The following MACROD2 variants were observed in gnomAD, a reference collection of about 807,000 sequenced individuals.
MACROD2 encodes ADP-ribose glycohydrolase MACROD2.
In MACROD2, 36 loss-of-function variants were observed where a neutral mutation model predicts 70.4. That is an observed-to-expected ratio of 0.51 (90% CI 0.39 to 0.68). The LOEUF is 0.68. MACROD2 is among the 30% of genes least tolerant of loss of function. The pLI, the probability that MACROD2 is intolerant of heterozygous loss-of-function variation, is 0.00. For missense variants in MACROD2, 496 were observed against 538.4 expected, an observed-to-expected ratio of 0.92 and a Z score of 0.78; for synonymous variants, 172 against 178.8, an observed-to-expected ratio of 0.96 and a Z score of 0.30.
chr20:15,955,232 A>G (rs2065960027), intron 12 of MACROD2, among the ~76,000 whole-genome samples: 2 of 152,148 alleles, frequency 1.3e-5, no homozygotes, highest in African/African-American at 4.8e-5. Flanking sequence ...AACCCAATTG[A>G]CTTAAATGAT....
intron 5 of MACROD2, among the ~76,000 whole-genome samples, chr20:14,886,918 G>A (rs2073683956): frequency 1.3e-5 from 2 of 152,078 alleles, no homozygotes; most frequent in South Asian, 2.1e-4. Flanking sequence ...TTCTCATTCC[G>A]ACATTGGCGT....
rs113801416 is a variant in MACROD2, at chr20:15,074,676, G to A, written c.419-155264G>A. On this transcript the variant is annotated intron_variant, in intron 5 of 17. Transcript: ENST00000684519. ...GAACTGAGTTAGAGGACACATAGCT[G>A]GTATCCACTGCAGAATTGATTGCTT... Among the ~76,000 whole-genome samples the A allele has an allele frequency of 6.2e-3, 941 of 152,244 alleles. 8 individuals carry two copies. Among genetic ancestry groups the A allele is most frequent in the African/African-American group, 0.022 (897 of 41,544 alleles).
At chr20:15,562,968 T>A (rs137934072) in intron 8 of MACROD2, among the ~76,000 whole-genome samples, 2 of 152,304 alleles carry the variant, frequency 1.3e-5, no homozygotes, top group East Asian at 3.9e-4. Context: ...ACGTACAGTT[T>A]GAGCAGAATA....
chr20:15,326,215 C>T (rs1310885303), intron 6 of MACROD2, among the ~76,000 whole-genome samples: 1 of 151,990 alleles, frequency 6.6e-6, no homozygotes, highest in Non-Finnish European at 1.5e-5. Context: ...AAATACTCAT[C>T]TTGATAATAT....
chr20:14,296,533 GA>G (rs1336776552), intron 3 of MACROD2, among the ~76,000 whole-genome samples: 3 of 151,988 alleles, frequency 2.0e-5, no homozygotes, highest in African/African-American at 4.8e-5. Flanking sequence ...TTGCGTGAAA[GA>G]AGCCACACAT....
Position 14,333,776 on chromosome 20 carries a change from A to G in MACROD2, c.272-159703A>G, listed in dbSNP as rs73612352. 1.7e-3 allele frequency among the ~76,000 whole-genome samples: 256 copies of G among 152,286 alleles called. 1 individual carries two copies. The East Asian group carries it at 0.018, about 11-fold the overall frequency. ...GAGACCACCTGAAATCATAAAATAC[A>G]TTGTTTTTCATGTCCAAGCAGGGTA... On this transcript the variant is annotated intron_variant, in intron 3 of 17. Transcript: ENST00000684519.
chr20:16,013,918 G>A (rs1161968336), intron 15 of MACROD2, among the ~76,000 whole-genome samples: 1 of 152,194 alleles, frequency 6.6e-6, no homozygotes, highest in Admixed American at 6.5e-5. Context: ...TGTAAATGGA[G>A]CACTGTATTG....
intron 5 of MACROD2, among the ~76,000 whole-genome samples, chr20:15,118,570 T>G (rs2076008670): frequency 1.3e-5 from 2 of 152,204 alleles, no homozygotes; most frequent in Admixed American, 6.5e-5. Flanking sequence ...CAGCATTTCC[T>G]AAACCAATGA....
intron 5 of MACROD2, among the ~76,000 whole-genome samples, chr20:14,970,868 C>T (rs146296550): frequency 2.6e-4 from 39 of 152,256 alleles, no homozygotes; most frequent in Non-Finnish European, 5.1e-4. Flanking sequence ...CCTCCCACCT[C>T]AGCCTCCCAA....
Position 14,624,859 on chromosome 20 carries a change from C to T in MACROD2, c.302-59984C>T, listed in dbSNP as rs143269309. Among the ~76,000 whole-genome samples, 17 of 152,288 alleles carry T rather than the reference C, an allele frequency of 1.1e-4. No individual in the cohort carries two copies. In the East Asian group the frequency reaches 3.1e-3, roughly 28 times the overall value. On this transcript the variant is annotated intron_variant, in intron 4 of 17. Coordinates refer to ENST00000684519, the MANE Select transcript of MACROD2 (RefSeq NM_001351661.2). Reference sequence around the variant, plus strand: ...TAGATGAATGCCAGCCAGAAATGTACTGCTGCAGCACTACTACCTCATTCA... The same window carrying T: ...TAGATGAATGCCAGCCAGAAATGTATTGCTGCAGCACTACTACCTCATTCA...
At chr20:15,254,163 A>G (rs2077178758) in intron 6 of MACROD2, among the ~76,000 whole-genome samples, 1 of 152,182 alleles carries the variant, frequency 6.6e-6, no homozygotes, top group Non-Finnish European at 1.5e-5. Context: ...TTTTTATTCC[A>G]TTTATGCCAT....
intron 4 of MACROD2, among the ~76,000 whole-genome samples, chr20:14,551,252 C>A (rs1375800015): frequency 6.6e-6 from 1 of 152,122 alleles, no homozygotes; most frequent in African/African-American, 2.4e-5. Flanking sequence ...TAATGCAGTG[C>A]ATAGTTGTAG....
chr20:14,411,776 C>G (rs958478735), intron 3 of MACROD2, among the ~76,000 whole-genome samples: 6 of 152,080 alleles, frequency 3.9e-5, no homozygotes, highest in African/African-American at 1.4e-4. Context: ...TCTGCACAGG[C>G]TGTAGACTGT....
chr20:14,919,314 C>A (rs2074132128), intron 5 of MACROD2, among the ~76,000 whole-genome samples: 1 of 152,136 alleles, frequency 6.6e-6, no homozygotes, highest in African/African-American at 2.4e-5. Flanking sequence ...ACATTTTTAA[C>A]CATTTGGGAT....
intron 6 of MACROD2, among the ~76,000 whole-genome samples, chr20:15,384,906 C>A (rs1190680839): frequency 1.3e-5 from 2 of 152,130 alleles, no homozygotes; most frequent in Non-Finnish European, 2.9e-5. Context: ...TAATTAGACA[C>A]AATAAGACCC....
intron 3 of MACROD2, among the ~76,000 whole-genome samples, chr20:14,297,204 A>C (rs2082434996): frequency 6.6e-6 from 1 of 151,698 alleles, no homozygotes; most frequent in African/African-American, 2.4e-5. Flanking sequence ...CTTCCCTGAG[A>C]CACAACAATA....
chr20:14,006,745 T>A (rs1252494244), intron 2 of MACROD2, among the ~76,000 whole-genome samples: 1 of 152,206 alleles, frequency 6.6e-6, no homozygotes, highest in Non-Finnish European at 1.5e-5. Context: ...TTATAATTTA[T>A]TTGTTGAATA....
intron 2 of MACROD2, among the ~76,000 whole-genome samples, chr20:14,069,101 A>G (rs1370484159): frequency 6.6e-5 from 10 of 152,088 alleles, no homozygotes; most frequent in Non-Finnish European, 1.3e-4. Context: ...GGCCCCCGCC[A>G]TCGTGCTCAG....
At chr20:14,619,239 A>T (rs377389218) in intron 4 of MACROD2, among the ~76,000 whole-genome samples, 1 of 151,706 alleles carries the variant, frequency 6.6e-6, no homozygotes, top group Non-Finnish European at 1.5e-5. Context: ...TGTTAAAATT[A>T]TACCATGACT....
Sources: gnomAD v4.1 joint callset for allele counts (sites outside exome capture counted in the v4.1 genomes callset) on GRCh38, gnomAD v4.1.1 for gene constraint, MANE v1.5 for transcripts, NCBI Gene and HGNC (gene_info 2026-07-23, HGNC 2026-07-21) for gene names.